Variants in USP42 observed in about 807,000 individuals in gnomAD.
The protein encoded by USP42 is ubiquitin carboxyl-terminal hydrolase 42.
USP42 carries 23 observed loss-of-function variants against 113.0 expected under a neutral mutation model. The ratio of observed to expected loss-of-function variants is 0.20; its 90% CI spans 0.15 to 0.29. The LOEUF (loss-of-function observed/expected upper bound fraction) is 0.29, where lower values mean the gene tolerates loss of function less well. Ranked by LOEUF, USP42 falls within the 10% of genes least tolerant of loss-of-function variation. The pLI is 1.00. For missense variants in USP42, 2,174 were observed against 1,779.8 expected, an observed-to-expected ratio of 1.22 and a Z score of -3.99; for synonymous variants, 933 against 699.0, an observed-to-expected ratio of 1.33 and a Z score of -5.28.
chr7:6,118,653 A>G (rs1583594681), intron 3 of USP42, among the ~76,000 whole-genome samples: 1 of 151,996 alleles, frequency 6.6e-6, no homozygotes, highest in South Asian at 2.1e-4. Flanking sequence ...TTTTGAGTTA[A>G]TTTTTGTTTG....
At chr7:6,111,763 C>T (rs577404333) in intron 2 of USP42, 12 of 146,478 alleles carry the variant, frequency 8.2e-5, no homozygotes, top group Non-Finnish European at 1.1e-4. Context: ...CCACCAAGCC[C>T]GGCTAATTTT....
chr7:6,154,319 A>T lies in USP42; in HGVS notation c.2765A>T (p.Glu922Val). 1 of 1,577,858 alleles carries T rather than the reference A, an allele frequency of 6.3e-7. No homozygotes were observed. The highest frequency in any genetic ancestry group is 8.6e-7 in the Non-Finnish European group (1 of 1,162,604). Reference sequence around the variant, plus strand: ...GGGGACGCTGAGCCTAGCCCCGGCGAGAGGGTCGAGGACGCCGCGGCGCCG... The same window carrying T: ...GGGGACGCTGAGCCTAGCCCCGGCGTGAGGGTCGAGGACGCCGCGGCGCCG... ...PEGDAEPSPG[E>V]RVEDAAAPKA... is the part of the protein sequence containing the mutation. The change falls in exon 15 of 18, where the codon GAG (glutamate) becomes GTG (valine). Residue 922 changes from glutamate (E) to valine (V), a missense_variant. Glu to Val is a moderately radical substitution (Grantham distance 121, BLOSUM62 -2). Transcript: ENST00000306177.
chr7:6,111,144 T>C lies in USP42; in HGVS notation c.11T>C (p.Val4Ala), dbSNP rs761005836. Residue 4 changes from valine (V) to alanine (A), a missense_variant, in exon 2 of 18, where the codon GTT becomes GCT. Physicochemically the swap from Val to Ala is moderately conservative, Grantham distance 64 (BLOSUM62 0). Transcript: ENST00000306177. MTI[V>A]DKASESSDPS... Reference sequence around the variant, plus strand: ...TTGCAGAGTTGAACAATGACCATAGTTGACAAAGCTTCTGAATCTTCAGAC... The same window carrying C: ...TTGCAGAGTTGAACAATGACCATAGCTGACAAAGCTTCTGAATCTTCAGAC... 8 of 1,612,176 alleles carry C rather than the reference T, an allele frequency of 5.0e-6. No homozygotes were observed. The highest frequency in any genetic ancestry group is 1.3e-5 in the African/African-American group (1 of 75,036).
chr7:6,095,062 A>T, the USP42 span, among the ~76,000 whole-genome samples: 106 of 151,396 alleles, frequency 7.0e-4, 8 homozygotes, highest in African/African-American at 2.4e-3. Context: ...TGCTGGCATT[A>T]TAGGTGTGAG....
At position 6,154,413 on chromosome 7, in the gene USP42, C is replaced by A; in HGVS notation, c.2859C>A (p.Tyr953Ter). ...TCAGAAAGGTGGACCGAGGCCACTA[C>A]CGCAGCCGGAGAGAGCGCTCGTCCA... ...GSLRKVDRGHYRSRRERSSSG... is the reference protein window; with the variant it reads ...GSLRKVDRGH The change falls in exon 15 of 18, where the codon TAC becomes TAA. Residue 953 changes from tyrosine (Y) to a stop codon, truncating the protein, a stop_gained. Coordinates refer to ENST00000306177, the MANE Select transcript of USP42 (RefSeq NM_032172.3). LOFTEE classifies it high-confidence loss of function. The A allele has an allele frequency of 6.3e-7, 1 of 1,576,112 alleles. No individual in the cohort carries two copies. Among genetic ancestry groups the A allele is most frequent in the Admixed American group, 1.8e-5 (1 of 54,566 alleles).
intron 6 of USP42, 52 bp downstream of exon 6, chr7:6,140,247 A>T (rs1447100587): frequency 1.1e-5 from 16 of 1,522,404 alleles, no homozygotes; most frequent in Non-Finnish European, 1.2e-5. Context: ...TGGTTAAAAA[A>T]TGGTAATAGT....
intron 3 of USP42, among the ~76,000 whole-genome samples, chr7:6,129,978 T>C (rs1252715869): frequency 2.0e-5 from 3 of 152,264 alleles, no homozygotes; most frequent in South Asian, 4.1e-4. Flanking sequence ...AGTTGAAAGC[T>C]GGATTTTAAA....
chr7:6,130,027 C>G (rs886467521), intron 3 of USP42, among the ~76,000 whole-genome samples: 2 of 151,936 alleles, frequency 1.3e-5, no homozygotes, highest in Non-Finnish European at 2.9e-5. Flanking sequence ...ACTTTGTTGT[C>G]CAGGCTGGAG....
At chr7:6,081,310 C>CCG in the USP42 span, 7 of 151,830 alleles carry the variant, frequency 4.6e-5, no homozygotes, top group African/African-American at 1.4e-4. Flanking sequence ...TCCTCCTGGC[C>CCG]CGCGACCTAG....
At chr7:6,097,734 G>T in the USP42 span, among the ~76,000 whole-genome samples, 1 of 149,670 alleles carries the variant, frequency 6.7e-6, no homozygotes, top group Non-Finnish European at 1.5e-5. Context: ...GTGACTACAG[G>T]CGGCCGCCAC....
At chr7:6,109,309 A>C (rs1437214384) in intron 1 of USP42, among the ~76,000 whole-genome samples, 2 of 152,140 alleles carry the variant, frequency 1.3e-5, no homozygotes, top group Non-Finnish European at 2.9e-5. Context: ...CGAGGTTATT[A>C]GGTCAGACAA....
intron 7 of USP42, among the ~76,000 whole-genome samples, chr7:6,142,502 C>T (rs555058499): frequency 6.6e-6 from 1 of 152,298 alleles, no homozygotes; most frequent in East Asian, 1.9e-4. Flanking sequence ...AGGCGTGAGC[C>T]ACCACGCCCG....
At position 6,159,095 on chromosome 7, in the gene USP42, C is replaced by T. The variant is rs1473306256; in HGVS notation, c.3944-355C>T. On this transcript the variant is annotated intron_variant, in intron 16 of 17. Coordinates refer to ENST00000306177, the MANE Select transcript of USP42 (RefSeq NM_032172.3). The surrounding 1 kb of genome is among the most constrained non-coding windows in gnomAD (Gnocchi z 4.1). ...CCCGCCTCACCCAGCGTCCTGTGGTCCTGCGGGTCCCCCTCTACCCTGGAC... is the reference window on the plus strand; with the variant it reads ...CCCGCCTCACCCAGCGTCCTGTGGTTCTGCGGGTCCCCCTCTACCCTGGAC... 6.6e-6 allele frequency among the ~76,000 whole-genome samples: 1 copy of T among 152,174 alleles called. No individual in the cohort carries two copies. The highest frequency in any genetic ancestry group is 6.5e-5 in the Admixed American group (1 of 15,278).
chr7:6,084,987 G>T, the USP42 span, among the ~76,000 whole-genome samples: 2 of 151,066 alleles, frequency 1.3e-5, 1 homozygote, highest in African/African-American at 4.9e-5. Context: ...TCAGAGTGCT[G>T]CGATTACAGG....
chr7:6,111,774 T>TTTC (rs1326685866), intron 2 of USP42: 1 of 159,742 alleles, frequency 6.3e-6, no homozygotes, highest in African/African-American at 2.9e-5. Context: ...GGCTAATTTT[T>TTTC]TTTTTTTTTT....
At chr7:6,114,654 G>GTATATATATATATATATA (rs1562805030) in intron 2 of USP42, among the ~76,000 whole-genome samples, 5 of 69,272 alleles carry the variant, frequency 7.2e-5, no homozygotes, top group East Asian at 7.1e-4. Context: ...GTATGTGTGT[G>GTATATATATATATATATA]TGTATATATA....
chr7:6,115,221 AT>A (rs1779851862), intron 2 of USP42, 101 bp from the exon 3 acceptor site: 2 of 1,181,924 alleles, frequency 1.7e-6, no homozygotes, highest in Admixed American at 1.9e-5. Context: ...TGGTCATGAG[AT>A]TTCGGATCTT....
At position 6,141,566 on chromosome 7, in the gene USP42, T is replaced by TA. The variant is rs200874826; in HGVS notation, c.795+582_795+583insA. Among the ~76,000 whole-genome samples, 74 of 149,418 alleles carry TA rather than the reference T, an allele frequency of 5.0e-4. No individual in the cohort carries two copies. The Middle Eastern group carries it at 0.014, about 28-fold the overall frequency. On this transcript the variant is annotated intron_variant, in intron 7 of 17. Transcript: ENST00000306177. Reference sequence around the variant, plus strand: ...GCCAAGTACAGTTGGTTATTATTATTTTTTTTTTTTGAGATGGAGTCTTGC... The same window carrying TA: ...GCCAAGTACAGTTGGTTATTATTATTATTTTTTTTTTGAGATGGAGTCTTGC...
At chr7:6,084,971 G>A in the USP42 span, among the ~76,000 whole-genome samples, 4 of 150,828 alleles carry the variant, frequency 2.7e-5, no homozygotes, top group Non-Finnish European at 5.9e-5. Flanking sequence ...CACACACCTC[G>A]GCCTCTCAGA....
Sources: gnomAD v4.1 joint callset for allele counts (sites outside exome capture counted in the v4.1 genomes callset) on GRCh38, gnomAD v4.1.1 for gene constraint, Gnocchi (gnomAD v3.1) non-coding constraint, MANE v1.5 for transcripts, NCBI Gene and HGNC (gene_info 2026-07-23, HGNC 2026-07-21) for gene names.